FBXO32: variants seen among roughly 807,000 people sequenced by gnomAD.
The protein encoded by FBXO32 is F-box only protein 32.
FBXO32 carries 15 observed loss-of-function variants against 48.3 expected under a neutral mutation model. That is an observed-to-expected ratio of 0.31 (90% CI 0.21 to 0.48). FBXO32 has a LOEUF of 0.48. FBXO32 is among the 20% of genes least tolerant of loss of function. The pLI is 0.99. For synonymous variants in FBXO32, 154 were observed against 165.9 expected (o/e 0.93, Z 0.55); for missense variants, 309 against 432.7 (o/e 0.71, Z 2.54).
At chr8:123,504,878 A>G in intron 7 of FBXO32, 131 bp from the exon 8 acceptor site, 1 of 777,356 alleles carries the variant, frequency 1.3e-6, no homozygotes, top group African/African-American at 1.8e-5. Flanking sequence ...CCAGGAAGGA[A>G]AACTGTCACT....
At chr8:123,531,168 GACA>G (rs1563926446) in intron 4 of FBXO32, among the ~76,000 whole-genome samples, 1 of 151,734 alleles carries the variant, frequency 6.6e-6, no homozygotes, top group Admixed American at 6.6e-5. Flanking sequence ...TTTTAGTAGA[GACA>G]GGATTTCATC....
rs1817406121 is a variant in FBXO32 at position 123,541,156 on chromosome 8, G to T, written c.-142C>A. On this transcript the variant is annotated 5_prime_UTR_variant, in exon 1 of 9. Coordinates refer to ENST00000517956, the MANE Select transcript of FBXO32 (RefSeq NM_058229.4). ...GCGGGAACGGCGCGGGGCACCCTGCGGGGTGGCGGGCGCGGAGAGGATCTC... is the reference window on the plus strand; with the variant it reads ...GCGGGAACGGCGCGGGGCACCCTGCTGGGTGGCGGGCGCGGAGAGGATCTC... The T allele has an allele frequency of 2.4e-6, 1 of 412,574 alleles. No homozygotes were observed. Among genetic ancestry groups the T allele is most frequent in the South Asian group, 8.0e-5 (1 of 12,554 alleles). The allele number at this position is 412,574 out of a possible 1,614,324, so 25.6% of individuals were successfully genotyped here. A position where few individuals can be genotyped will look rare whatever the true frequency, so the allele number is the denominator to read the frequency against.
intron 6 of FBXO32, among the ~76,000 whole-genome samples, chr8:123,507,438 G>GGGGGGT (rs371377453): frequency 7.2e-6 from 1 of 139,802 alleles, no homozygotes; most frequent in Admixed American, 7.1e-5. Flanking sequence ...TCTGTGCTAG[G>GGGGGGT]GTGTGTGTGT....
chr8:123,537,965 C>T (rs989665207), intron 1 of FBXO32, among the ~76,000 whole-genome samples: 2 of 152,036 alleles, frequency 1.3e-5, no homozygotes, highest in Non-Finnish European at 2.9e-5. Context: ...TGTGCGGGTG[C>T]CTGAACCACC....
Position 123,534,618 on chromosome 8 carries a change from G to A in FBXO32, c.229+84C>T, listed in dbSNP as rs1052179681. 10 of 790,512 alleles carry A rather than the reference G, an allele frequency of 1.3e-5. No individual in the cohort carries two copies. The African/African-American group carries it at 1.4e-4, about 11-fold the overall frequency. 49.0% of individuals were successfully genotyped at this position (790,512 alleles called of 1,614,324 possible). On this transcript the variant is annotated intron_variant, in intron 2 of 8. Coordinates refer to ENST00000517956, the MANE Select transcript of FBXO32 (RefSeq NM_058229.4). The stretch of plus-strand genomic sequence containing the variant: ...AACACTGAGGCAGATGTGTGACATG[G>A]GAGGTGTTATTTTTTTTCATCCAAG...
chr8:123,509,503 C>T (rs1337919184), intron 6 of FBXO32, among the ~76,000 whole-genome samples: 1 of 152,020 alleles, frequency 6.6e-6, no homozygotes, highest in Non-Finnish European at 1.5e-5. Context: ...AGTTCGAGAT[C>T]AGCCTGGGCA....
intron 4 of FBXO32, 118 bp from the exon 5 acceptor site, chr8:123,514,451 G>A (rs952795206): frequency 3.6e-5 from 22 of 608,136 alleles, no homozygotes; most frequent in Non-Finnish European, 3.5e-5. Context: ...ATAAATGGCA[G>A]GCAGGGCCAC....
At chr8:123,504,475 C>A in intron 8 of FBXO32, 129 bp downstream of exon 8, 2 of 288,328 alleles carry the variant, frequency 6.9e-6, no homozygotes, top group Non-Finnish European at 1.3e-5. Context: ...AATCAGTTTA[C>A]CCTCACTTTC....
At chr8:123,536,609 G>C (rs1309541031) in intron 1 of FBXO32, among the ~76,000 whole-genome samples, 1 of 152,188 alleles carries the variant, frequency 6.6e-6, no homozygotes, top group Non-Finnish European at 1.5e-5. Flanking sequence ...AGAACATTTT[G>C]TGTGCAAAAA....
rs1816637579 is a variant in FBXO32 at position 123,506,942 on chromosome 8, C to T, written c.652-368G>A. On this transcript the variant is annotated intron_variant, in intron 6 of 8. Coordinates refer to ENST00000517956, the MANE Select transcript of FBXO32 (RefSeq NM_058229.4). The surrounding 1 kb of genome is among the most constrained non-coding windows in gnomAD (Gnocchi z 4.0). The stretch of plus-strand genomic sequence containing the variant: ...CTGGATGGAGTGGCCCAGCCTGCCA[C>T]CCCAAGTCCCATCTCTCTGGCCCCC... Among the ~76,000 whole-genome samples the T allele has an allele frequency of 6.6e-6, 1 of 152,312 alleles. No homozygotes were observed. The highest frequency in any genetic ancestry group is 2.1e-4 in the South Asian group (1 of 4,830).
rs1587006993 is a variant in FBXO32 at position 123,541,141 on chromosome 8, C to A, written c.-127G>T. Reference sequence around the variant, plus strand: ...GGGGGCGGCGGGGCGGCGGGAACGGCGCGGGGCACCCTGCGGGGTGGCGGG... The same window carrying A: ...GGGGGCGGCGGGGCGGCGGGAACGGAGCGGGGCACCCTGCGGGGTGGCGGG... On this transcript the variant is annotated 5_prime_UTR_variant, in exon 1 of 9. Coordinates refer to ENST00000517956, the MANE Select transcript of FBXO32 (RefSeq NM_058229.4). 2.2e-6 allele frequency: 1 copy of A among 462,880 alleles called. No homozygotes were observed. The highest frequency in any genetic ancestry group is 3.6e-6 in the Non-Finnish European group (1 of 280,318). 28.7% of individuals were successfully genotyped at this position (462,880 alleles called of 1,614,324 possible). A position where few individuals can be genotyped will look rare whatever the true frequency, so the allele number is the denominator to read the frequency against.
intron 4 of FBXO32, among the ~76,000 whole-genome samples, chr8:123,531,154 G>A (rs1290582222): frequency 1.3e-5 from 2 of 151,528 alleles, no homozygotes; most frequent in African/African-American, 2.4e-5. Context: ...TAATTTTCTT[G>A]TATTTTTAGT....
chr8:123,526,686 G>A (rs1394399694), intron 4 of FBXO32, among the ~76,000 whole-genome samples: 2 of 152,172 alleles, frequency 1.3e-5, no homozygotes, highest in Non-Finnish European at 2.9e-5. Context: ...TTTCCTTGAA[G>A]TCTTTCTTGA....
At chr8:123,527,482 T>C (rs149669816) in intron 4 of FBXO32, among the ~76,000 whole-genome samples, 6 of 152,264 alleles carry the variant, frequency 3.9e-5, no homozygotes, top group Non-Finnish European at 8.8e-5. Context: ...GGGCAGTTGT[T>C]TGGGTAAATG....
chr8:123,523,634 C>A (rs13268187), intron 4 of FBXO32, among the ~76,000 whole-genome samples: 38,428 of 148,444 alleles, frequency 0.26, 6,100 homozygotes, highest in South Asian at 0.46. Flanking sequence ...AACAAACAAA[C>A]AAAAAAAAGA....
rs114776603 is a variant in FBXO32 at position 123,526,014 on chromosome 8, T to C, written c.372+5884A>G. Among the ~76,000 whole-genome samples the C allele has an allele frequency of 9.1e-3, 1,390 of 152,136 alleles. 23 individuals carry two copies. The highest frequency in any genetic ancestry group is 0.032 in the African/African-American group (1,326 of 41,478). ...TTCTCAAGTCTGTCCAATGTCCTTT[T>C]CTAGCCATATTTAAATGAACAATCA... On this transcript the variant is annotated intron_variant, in intron 4 of 8. Transcript: ENST00000517956.
rs897406234 is a variant in FBXO32, at chr8:123,506,398, C to G, written c.828G>C (p.Glu276Asp). Residue 276 changes from glutamate (E) to aspartate (D), a missense_variant, in exon 7 of 9, where the codon GAG (glutamate) becomes GAC (aspartate). By Grantham distance (45) the Glu-to-Asp change is conservative (BLOSUM62 2). Coordinates refer to ENST00000517956, the MANE Select transcript of FBXO32 (RefSeq NM_058229.4). This position sits in a 1 kb window ranked among gnomAD's most constrained non-coding sequence, Gnocchi z 4.0. ...CCCACTGGGCCTTGCTGACCTGCCG[C>G]TCGGAGAAGTGGTACTGGCAGAGTT... Reference protein sequence around the residue: ...WKKLCQYHFSERQIRKRLILS... With the variant: ...WKKLCQYHFSDRQIRKRLILS... The G allele has an allele frequency of 6.2e-7, 1 of 1,613,528 alleles. No homozygotes were observed. Among genetic ancestry groups the G allele is most frequent in the Non-Finnish European group, 8.5e-7 (1 of 1,179,984 alleles).
At position 123,521,468 on chromosome 8, in the gene FBXO32, C is replaced by T. The variant is rs115240069; in HGVS notation, c.373-7135G>A. 2.8e-3 allele frequency among the ~76,000 whole-genome samples: 432 copies of T among 152,250 alleles called. 4 individuals carry two copies. The highest frequency in any genetic ancestry group is 9.9e-3 in the African/African-American group (411 of 41,524). ...CTGATGCCCCAGGAGTGGCATGGGC[C>T]TAGGAGTAAATTATTTATAATGCAA... On this transcript the variant is annotated intron_variant, in intron 4 of 8. Transcript: ENST00000517956.
At chr8:123,524,866 T>C (rs1014638652) in intron 4 of FBXO32, among the ~76,000 whole-genome samples, 2 of 152,210 alleles carry the variant, frequency 1.3e-5, no homozygotes, top group Admixed American at 1.3e-4. Flanking sequence ...TTTGGCTTTA[T>C]TGCTGCTGCA....
Sources: allele counts gnomAD v4.1 joint callset (sites outside exome capture counted in the v4.1 genomes callset), GRCh38; gene constraint gnomAD v4.1.1; non-coding constraint Gnocchi (gnomAD v3.1); transcripts MANE v1.5; gene names NCBI Gene and HGNC (gene_info 2026-07-23, HGNC 2026-07-21).